The following DGKB variants were observed in gnomAD, a reference collection of about 807,000 sequenced individuals.
DGKB encodes the protein 90 kDa diacylglycerol kinase.
A neutral mutation model predicts 114.3 loss-of-function variants in DGKB; 67 were observed. That is an observed-to-expected ratio of 0.59 (90% CI 0.48 to 0.72). The LOEUF is 0.72. Ranked by LOEUF, DGKB falls within the 30% of genes least tolerant of loss-of-function variation. DGKB has a pLI of 0.00. For synonymous variants in DGKB, 398 were observed against 323.1 expected (o/e 1.23, Z -2.49); for missense variants, 907 against 975.2 (o/e 0.93, Z 0.93).
At chr7:14,956,598 T>C (rs1032780744) in intron 1 of DGKB, among the ~76,000 whole-genome samples, 1 of 152,080 alleles carries the variant, frequency 6.6e-6, no homozygotes. Context: ...TCAAAGAGGC[T>C]ACATGAATAA....
chr7:14,818,712 A>C (rs757226439), intron 2 of DGKB, among the ~76,000 whole-genome samples: 7 of 152,202 alleles, frequency 4.6e-5, no homozygotes, highest in Admixed American at 6.5e-5. Context: ...TTCAACTTTT[A>C]GTTGTGAAAT....
intron 20 of DGKB, among the ~76,000 whole-genome samples, chr7:14,527,190 A>G (rs945958155): frequency 6.6e-6 from 1 of 152,078 alleles, no homozygotes; most frequent in African/African-American, 2.4e-5. Flanking sequence ...AAAGTCATTA[A>G]AGCAAGTTAC....
intron 21 of DGKB, among the ~76,000 whole-genome samples, chr7:14,438,114 T>C (rs1829553106): frequency 6.6e-6 from 1 of 152,024 alleles, no homozygotes; most frequent in Non-Finnish European, 1.5e-5. Context: ...CAAGTATCTA[T>C]CTAAATCAAA....
chr7:14,147,248 C>CA lies in DGKB; in HGVS notation c.*1882dup, dbSNP rs1199413862. ...ACAACTTTTTTATTTTATACCAGCG[C>CA]AAGTGATTGCTGTACTAAATTTGCA... On this transcript the variant is annotated 3_prime_UTR_variant, in exon 26 of 26. Coordinates refer to ENST00000402815, the MANE Select transcript of DGKB (RefSeq NM_001350709.2). The CA allele has an allele frequency of 6.6e-6, 1 of 152,038 alleles. No individual in the cohort carries two copies. The highest frequency in any genetic ancestry group is 1.5e-5 in the Non-Finnish European group (1 of 67,990). The allele number at this position is 152,038 out of a possible 1,614,324, so 9.4% of individuals were successfully genotyped here. A position where few individuals can be genotyped will look rare whatever the true frequency, so the allele number is the denominator to read the frequency against.
intron 15 of DGKB, among the ~76,000 whole-genome samples, chr7:14,619,340 T>C (rs567963727): frequency 8.8e-4 from 133 of 151,796 alleles, no homozygotes; most frequent in African/African-American, 3.1e-3. Flanking sequence ...AGATTTTTAA[T>C]GTGACTAATT....
chr7:14,869,669 G>A (rs549279901), intron 1 of DGKB, among the ~76,000 whole-genome samples: 229 of 152,104 alleles, frequency 1.5e-3, no homozygotes, highest in African/African-American at 5.4e-3. Context: ...CATTAATAGG[G>A]AAGAATATAT....
chr7:14,829,559 C>T (rs1161683340), intron 2 of DGKB, among the ~76,000 whole-genome samples: 1 of 152,068 alleles, frequency 6.6e-6, no homozygotes, highest in Non-Finnish European at 1.5e-5. Context: ...AATTCTAGGA[C>T]ACCTGGAGTT....
At chr7:14,665,679 T>C (rs1201566018) in intron 13 of DGKB, among the ~76,000 whole-genome samples, 5 of 152,078 alleles carry the variant, frequency 3.3e-5, no homozygotes, top group Admixed American at 3.3e-4. Flanking sequence ...TCTCATGAGA[T>C]ATCTCAAGTC....
At chr7:14,815,013 C>G (rs1843924407) in intron 2 of DGKB, among the ~76,000 whole-genome samples, 1 of 152,108 alleles carries the variant, frequency 6.6e-6, no homozygotes, top group East Asian at 1.9e-4. Flanking sequence ...AATCCTTTTC[C>G]TGTCATTCTA....
chr7:14,335,557 T>C (rs745391965), intron 23 of DGKB, among the ~76,000 whole-genome samples: 10 of 152,190 alleles, frequency 6.6e-5, no homozygotes, highest in Non-Finnish European at 1.5e-4. Context: ...AAGTTTTTCA[T>C]TTCATTTCAT....
chr7:14,216,811 G>A (rs750325182), intron 23 of DGKB, among the ~76,000 whole-genome samples: 2 of 151,614 alleles, frequency 1.3e-5, no homozygotes, highest in African/African-American at 4.9e-5. Context: ...GGGGAGGGAG[G>A]TGTGTGTGTT....
At position 14,438,242 on chromosome 7, in the gene DGKB, C is replaced by G. The variant is rs62443279; in HGVS notation, c.1835+39919G>C. Among the ~76,000 whole-genome samples the G allele has an allele frequency of 5.3e-3, 800 of 152,130 alleles. 5 individuals carry two copies. The highest frequency in any genetic ancestry group is 0.017 in the Middle Eastern group (5 of 294). On this transcript the variant is annotated intron_variant, in intron 21 of 25. Transcript: ENST00000402815. ...AAAATGGGGCTCAAGCTCTCTGCCTCGTTATCAGGTTCTATATTGTTACTG... is the reference window on the plus strand; with the variant it reads ...AAAATGGGGCTCAAGCTCTCTGCCTGGTTATCAGGTTCTATATTGTTACTG...
At chr7:14,727,943 C>T (rs1830265440) in intron 5 of DGKB, among the ~76,000 whole-genome samples, 2 of 152,158 alleles carry the variant, frequency 1.3e-5, no homozygotes, top group African/African-American at 4.8e-5. Flanking sequence ...ACATTTCTCC[C>T]AAGGTTCAAG....
rs141745521 is a variant in DGKB, at chr7:14,376,328, G to A, written c.1836-30937C>T. 2.4e-3 allele frequency among the ~76,000 whole-genome samples: 369 copies of A among 152,148 alleles called. 2 individuals are homozygous for A. The highest frequency in any genetic ancestry group is 8.1e-3 in the African/African-American group (338 of 41,516). The stretch of plus-strand genomic sequence containing the variant: ...TAACATTTTATATTTCTGAAAATTC[G>A]CCTTAATTTATATAAGTAACCTAAA... On this transcript the variant is annotated intron_variant, in intron 21 of 25. Transcript: ENST00000402815.
At chr7:14,423,683 G>A (rs945493868) in intron 21 of DGKB, among the ~76,000 whole-genome samples, 13 of 152,072 alleles carry the variant, frequency 8.5e-5, no homozygotes, top group Non-Finnish European at 1.9e-4. Flanking sequence ...CTTCTTTTAC[G>A]AAGTTAACAG....
intron 20 of DGKB, among the ~76,000 whole-genome samples, chr7:14,560,503 T>G (rs981991730): frequency 2.0e-5 from 3 of 152,202 alleles, no homozygotes; most frequent in Non-Finnish European, 4.4e-5. Context: ...GATAATGTCC[T>G]CAAGGTTCAT....
At chr7:14,482,273 T>C (rs2128914063) in intron 20 of DGKB, among the ~76,000 whole-genome samples, 1 of 152,176 alleles carries the variant, frequency 6.6e-6, no homozygotes, top group African/African-American at 2.4e-5. Context: ...AAAATATTCA[T>C]GATTTTGAGA....
chr7:14,827,996 G>C (rs1001003741), intron 2 of DGKB, among the ~76,000 whole-genome samples: 3 of 152,084 alleles, frequency 2.0e-5, no homozygotes, highest in African/African-American at 7.2e-5. Context: ...GGAGAAACTT[G>C]GGGAAGGTGG....
chr7:14,403,078 G>A (rs1337097360), intron 21 of DGKB, among the ~76,000 whole-genome samples: 2 of 151,676 alleles, frequency 1.3e-5, no homozygotes, highest in African/African-American at 4.8e-5. Context: ...ATCTGTATAT[G>A]TATATACATA....
Sources: allele counts gnomAD v4.1 joint callset (sites outside exome capture counted in the v4.1 genomes callset), GRCh38; gene constraint gnomAD v4.1.1; transcripts MANE v1.5; gene names NCBI Gene and HGNC (gene_info 2026-07-23, HGNC 2026-07-21).